The following MYRIP variants were observed in gnomAD, a reference collection of about 807,000 sequenced individuals.
MYRIP encodes the protein rab effector MyRIP.
MYRIP carries 49 observed loss-of-function variants against 98.0 expected under a neutral mutation model. That is an observed-to-expected ratio of 0.50 (90% CI 0.40 to 0.63). The LOEUF is 0.63. Among genes scored for constraint, MYRIP ranks in the 30% least tolerant of loss-of-function variants. The pLI is 0.00. For synonymous variants in MYRIP, 404 were observed against 409.5 expected (o/e 0.99, Z 0.16); for missense variants, 1,004 against 1,058.2 (o/e 0.95, Z 0.71).
At chr3:40,095,474 C>A (rs961508586) in intron 3 of MYRIP, among the ~76,000 whole-genome samples, 3 of 152,164 alleles carry the variant, frequency 2.0e-5, no homozygotes, top group Non-Finnish European at 4.4e-5. Context: ...GGGGCAGGAC[C>A]CCAGGAGAGG....
At chr3:40,108,027 A>G (rs1949083189) in intron 3 of MYRIP, among the ~76,000 whole-genome samples, 1 of 152,210 alleles carries the variant, frequency 6.6e-6, no homozygotes, top group African/African-American at 2.4e-5. Context: ...GAGGCTGGAT[A>G]AGCAGGCTAA....
chr3:40,051,320 A>G (rs1410038088), intron 3 of MYRIP, among the ~76,000 whole-genome samples: 1 of 152,096 alleles, frequency 6.6e-6, no homozygotes, highest in Non-Finnish European at 1.5e-5. Context: ...AAGACCCTCA[A>G]CCAACAAACA....
At chr3:39,993,957 C>T (rs1218078674) in intron 2 of MYRIP, among the ~76,000 whole-genome samples, 1 of 152,172 alleles carries the variant, frequency 6.6e-6, no homozygotes, top group Non-Finnish European at 1.5e-5. Context: ...TTTTCATTTG[C>T]CTGCTAAATG....
At position 39,872,947 on chromosome 3, in the gene MYRIP, C is replaced by T. The variant is rs1447650047; in HGVS notation, c.-30-27840C>T. ...CACAATGGTTGAACTAGTTTACAGT[C>T]CCCCCAACAGTGTAAAAGTGTTCCT... On this transcript the variant is annotated intron_variant, in intron 1 of 16. Coordinates refer to ENST00000302541, the MANE Select transcript of MYRIP (RefSeq NM_015460.4). Among the ~76,000 whole-genome samples, 5 of 152,272 alleles carry T rather than the reference C, an allele frequency of 3.3e-5. No individual in the cohort carries two copies. In the South Asian group the frequency reaches 1.0e-3, roughly 32 times the overall value.
At chr3:39,849,099 T>A (rs1208851627) in intron 1 of MYRIP, among the ~76,000 whole-genome samples, 1 of 152,226 alleles carries the variant, frequency 6.6e-6, no homozygotes, top group African/African-American at 2.4e-5. Flanking sequence ...CTGTCTATCC[T>A]ATAGGATATA....
intron 2 of MYRIP, among the ~76,000 whole-genome samples, chr3:39,981,411 T>C (rs2125759194): frequency 6.6e-6 from 1 of 152,322 alleles, no homozygotes; most frequent in South Asian, 2.1e-4. Flanking sequence ...CTAGTACTTC[T>C]TTTGTTATTT....
At chr3:40,032,557 T>G (rs1233088159) in intron 2 of MYRIP, among the ~76,000 whole-genome samples, 1 of 152,022 alleles carries the variant, frequency 6.6e-6, no homozygotes, top group Non-Finnish European at 1.5e-5. Context: ...TGGTGCAGGC[T>G]CTGAAATTGT....
chr3:40,053,719 G>A (rs1947833955), intron 3 of MYRIP, among the ~76,000 whole-genome samples: 1 of 152,106 alleles, frequency 6.6e-6, no homozygotes, highest in South Asian at 2.1e-4. Flanking sequence ...GAGCCTCTGG[G>A]TCCCCTGCCT....
chr3:40,211,535 A>G (rs1951925913), intron 11 of MYRIP, among the ~76,000 whole-genome samples: 1 of 152,178 alleles, frequency 6.6e-6, no homozygotes, highest in South Asian at 2.1e-4. Context: ...CTCCACGAGG[A>G]GCCCCTCACT....
chr3:40,226,433 G>T (rs1952492702), intron 11 of MYRIP, among the ~76,000 whole-genome samples: 1 of 152,082 alleles, frequency 6.6e-6, no homozygotes, highest in African/African-American at 2.4e-5. Flanking sequence ...TACTATGGCT[G>T]CCCCACCTCA....
chr3:40,071,667 G>T (rs1190478954), intron 3 of MYRIP, among the ~76,000 whole-genome samples: 1 of 152,120 alleles, frequency 6.6e-6, no homozygotes, highest in South Asian at 2.1e-4. Flanking sequence ...TCAGAGGTTT[G>T]CGAGCAGGAT....
At chr3:39,846,399 T>G (rs984083049) in intron 1 of MYRIP, among the ~76,000 whole-genome samples, 1 of 152,206 alleles carries the variant, frequency 6.6e-6, no homozygotes, top group Non-Finnish European at 1.5e-5. Flanking sequence ...TCTCCCACCT[T>G]TCCTTTTCCC....
intron 2 of MYRIP, among the ~76,000 whole-genome samples, chr3:40,029,655 T>A (rs1452034832): frequency 6.6e-6 from 1 of 152,154 alleles, no homozygotes; most frequent in Non-Finnish European, 1.5e-5. Flanking sequence ...AATGTAGGGT[T>A]TAATATAAGA....
At chr3:39,943,395 T>G (rs1944832847) in intron 2 of MYRIP, among the ~76,000 whole-genome samples, 1 of 152,146 alleles carries the variant, frequency 6.6e-6, no homozygotes. Flanking sequence ...TGGTCCTGAT[T>G]TTAGAGCAGG....
intron 2 of MYRIP, among the ~76,000 whole-genome samples, chr3:39,951,626 A>G (rs1945018665): frequency 6.6e-6 from 1 of 152,072 alleles, no homozygotes; most frequent in Non-Finnish European, 1.5e-5. Context: ...TATATATGTA[A>G]TTTTCACATT....
intron 3 of MYRIP, among the ~76,000 whole-genome samples, chr3:40,134,894 A>G (rs954972030): frequency 2.0e-5 from 3 of 152,232 alleles, no homozygotes; most frequent in Admixed American, 6.5e-5. Context: ...CGTCACCATC[A>G]TCAAAAACGA....
intron 3 of MYRIP, among the ~76,000 whole-genome samples, chr3:40,057,024 G>C (rs941990081): frequency 5.9e-5 from 9 of 152,238 alleles, no homozygotes; most frequent in African/African-American, 2.2e-4. Flanking sequence ...AATTACTGCT[G>C]TTATTGATGT....
chr3:40,170,174 G>T, intron 8 of MYRIP, 81 bp downstream of exon 8: 5 of 1,534,282 alleles, frequency 3.3e-6, no homozygotes, highest in Admixed American at 4.0e-5. Flanking sequence ...GTTGAATCAG[G>T]TGGCCACTGG....
In MYRIP at chr3:40,204,204, A is replaced by G. The variant is rs1463752281; in HGVS notation, c.1666-5650A>G. 3.8e-4 allele frequency among the ~76,000 whole-genome samples: 18 copies of G among 46,828 alleles called. 1 individual carries two copies. The highest frequency in any genetic ancestry group is 1.2e-3 in the African/African-American group (18 of 15,294). The allele number at this position is 46,828 out of a possible 152,430, so 30.7% of individuals were successfully genotyped here. ...ATATAATATATAAATATTATATTAT[A>G]TATTTATATATTATATATAAATATA... On this transcript the variant is annotated intron_variant, in intron 10 of 16. Coordinates refer to ENST00000302541, the MANE Select transcript of MYRIP (RefSeq NM_015460.4).
Sources: gnomAD v4.1 joint callset for allele counts (sites outside exome capture counted in the v4.1 genomes callset) on GRCh38, gnomAD v4.1.1 for gene constraint, MANE v1.5 for transcripts, NCBI Gene and HGNC (gene_info 2026-07-23, HGNC 2026-07-21) for gene names.